FBXW11: variants seen among roughly 807,000 people sequenced by gnomAD.
The protein encoded by FBXW11 is F-box and WD repeat domain containing 11.
A neutral mutation model predicts 77.6 loss-of-function variants in FBXW11; 19 were observed. The ratio of observed to expected loss-of-function variants is 0.24; its 90% CI spans 0.17 to 0.36. FBXW11 has a LOEUF of 0.36. Among genes scored for constraint, FBXW11 ranks in the 10% least tolerant of loss-of-function variants. The pLI is 1.00. For missense variants in FBXW11, 334 were observed against 704.2 expected (o/e 0.47, Z 5.95); for synonymous variants, 235 against 249.4 (o/e 0.94, Z 0.54).
At chr5:171,919,633 T>C (rs113917911) in intron 2 of FBXW11, among the ~76,000 whole-genome samples, 50 of 152,302 alleles carry the variant, frequency 3.3e-4, no homozygotes, top group African/African-American at 1.0e-3. Flanking sequence ...TAAATTACCT[T>C]TAATGATGAC....
Position 171,876,137 on chromosome 5 carries a change from TA to T in FBXW11, c.1221+147del, listed in dbSNP as rs1477344764. On this transcript the variant is annotated intron_variant, in intron 9 of 13. Transcript: ENST00000517395. The surrounding 1 kb of genome is among the most constrained non-coding windows in gnomAD (Gnocchi z 4.2). ...CCTACCTTGCCTACAACTCTACAGATATACAGAGTGGGATGGCCTCAAGGGT... is the reference window on the plus strand; with the variant it reads ...CCTACCTTGCCTACAACTCTACAGATTACAGAGTGGGATGGCCTCAAGGGT... The T allele has an allele frequency of 4.6e-6, 4 of 871,928 alleles. No homozygotes were observed. The highest frequency in any genetic ancestry group is 7.1e-6 in the Non-Finnish European group (4 of 563,200). The allele number at this position is 871,928 out of a possible 1,614,324, so 54.0% of individuals were successfully genotyped here. A position where few individuals can be genotyped will look rare whatever the true frequency, so the allele number is the denominator to read the frequency against.
At chr5:172,004,112 G>A (rs1462040955) in intron 1 of FBXW11, among the ~76,000 whole-genome samples, 1 of 152,152 alleles carries the variant, frequency 6.6e-6, no homozygotes, top group Non-Finnish European at 1.5e-5. Flanking sequence ...AACTGTAATT[G>A]AAATGCAGTG....
intron 7 of FBXW11, among the ~76,000 whole-genome samples, chr5:171,888,234 C>T (rs1253936626): frequency 2.0e-5 from 3 of 152,092 alleles, no homozygotes; most frequent in Non-Finnish European, 2.9e-5. Context: ...AAAAAAGTGT[C>T]CTTATGGGCT....
chr5:171,908,510 G>A (rs1349746933), intron 4 of FBXW11, among the ~76,000 whole-genome samples: 1 of 152,098 alleles, frequency 6.6e-6, no homozygotes, highest in Non-Finnish European at 1.5e-5. Flanking sequence ...ACAGGACTAA[G>A]TGATGGCTAA....
At position 171,899,107 on chromosome 5, in the gene FBXW11, A is replaced by C. The variant is rs749939417; in HGVS notation, c.624-13T>G. 17 of 1,561,988 alleles carry C rather than the reference A, an allele frequency of 1.1e-5. No homozygotes were observed. The Admixed American group carries it at 3.4e-4, about 31-fold the overall frequency. On this transcript the variant is annotated splice_polypyrimidine_tract_variant and intron_variant, in intron 5 of 13. Transcript: ENST00000517395. ...CAGGTACTGATCCCTGGCAAATAAA[A>C]ACAAACAGATGTTACATTTTTGCAC...
chr5:171,884,430 T>C (rs565163346), intron 7 of FBXW11, among the ~76,000 whole-genome samples: 10 of 152,350 alleles, frequency 6.6e-5, no homozygotes, highest in African/African-American at 2.4e-4. Context: ...CCATGCTGTT[T>C]TGGTGACTAT....
intron 6 of FBXW11, among the ~76,000 whole-genome samples, chr5:171,898,129 C>T (rs1286103643): frequency 1.3e-5 from 2 of 152,120 alleles, no homozygotes; most frequent in African/African-American, 4.8e-5. Flanking sequence ...CCATTATTCA[C>T]ATCTGCCTGG....
intron 7 of FBXW11, among the ~76,000 whole-genome samples, chr5:171,878,579 T>A (rs1758269398): frequency 5.9e-5 from 4 of 67,460 alleles, no homozygotes; most frequent in East Asian, 5.7e-4. Context: ...TGTGTGTGTG[T>A]GTGTGTGTGT....
intron 10 of FBXW11, 140 bp from the exon 11 acceptor site, chr5:171,870,998 AC>A: frequency 1.7e-6 from 1 of 603,748 alleles, no homozygotes. Context: ...TCCAGTACAC[AC>A]CACACATATA....
chr5:171,970,465 G>A (rs891819185), intron 1 of FBXW11, among the ~76,000 whole-genome samples: 23 of 152,060 alleles, frequency 1.5e-4, no homozygotes, highest in Admixed American at 6.5e-4. Flanking sequence ...ACCCAGTCTC[G>A]GGTAGCTCTT....
Position 171,955,144 on chromosome 5 carries a change from G to A in FBXW11, c.147+2453C>T, listed in dbSNP as rs115140191. Among the ~76,000 whole-genome samples, 1,353 of 152,326 alleles carry A rather than the reference G, an allele frequency of 8.9e-3. 10 individuals are homozygous for A. Among genetic ancestry groups the A allele is most frequent in the Non-Finnish European group, 0.014 (980 of 68,036 alleles). ...CTGATACCTGTTTTCCCTTCTAGAC[G>A]ATGGTAGAAACTTCCGGAATGGGTA... On this transcript the variant is annotated intron_variant, in intron 2 of 13. Coordinates refer to ENST00000517395, the MANE Select transcript of FBXW11 (RefSeq NM_001378974.1).
At position 171,893,421 on chromosome 5, in the gene FBXW11, C is replaced by CAAAAAAAAAAAACAAAAAAAAAAAAAAAA. The variant is rs757678376; in HGVS notation, c.715-1818_715-1817insTTTTTTTTTTTTTTTTGTTTTTTTTTTTT. Among the ~76,000 whole-genome samples, 9 of 39,852 alleles carry CAAAAAAAAAAAACAAAAAAAAAAAAAAAA rather than the reference C, an allele frequency of 2.3e-4. 1 individual carries two copies. Among genetic ancestry groups the CAAAAAAAAAAAACAAAAAAAAAAAAAAAA allele is most frequent in the Non-Finnish European group, 3.1e-4 (7 of 22,468 alleles). The allele number at this position is 39,852 out of a possible 152,430, so 26.1% of individuals were successfully genotyped here. Reference sequence around the variant, plus strand: ...GACATACAAAAGCACACTTCAAAACCAAAAAAAAAAAAAAAAAAAAAAAAA... The same window carrying CAAAAAAAAAAAACAAAAAAAAAAAAAAAA: ...GACATACAAAAGCACACTTCAAAACCAAAAAAAAAAAACAAAAAAAAAAAAAAAAAAAAAAAAAAAAAAAAAAAAAAAAA... On this transcript the variant is annotated intron_variant, in intron 6 of 13. Coordinates refer to ENST00000517395, the MANE Select transcript of FBXW11 (RefSeq NM_001378974.1).
At chr5:172,001,296 TTATAA>T (rs749820872) in intron 1 of FBXW11, among the ~76,000 whole-genome samples, 2 of 152,232 alleles carry the variant, frequency 1.3e-5, no homozygotes, top group Admixed American at 6.5e-5. Flanking sequence ...CCACAAGTTT[TTATAA>T]TATAATAGGA....
chr5:171,930,762 T>TAAAAAAAAAAAAAAAAAAAAAA, intron 2 of FBXW11, among the ~76,000 whole-genome samples: 1 of 126,532 alleles, frequency 7.9e-6, no homozygotes, highest in East Asian at 2.3e-4. Flanking sequence ...AATAAAAAAA[T>TAAAAAAAAAAAAAAAAAAAAAA]AAAAAAAAAA....
chr5:171,979,604 A>C (rs981977952), intron 1 of FBXW11, among the ~76,000 whole-genome samples: 62 of 152,088 alleles, frequency 4.1e-4, no homozygotes, highest in African/African-American at 1.4e-3. Context: ...ATGGTGGTGG[A>C]CTAACTGGTT....
intron 1 of FBXW11, among the ~76,000 whole-genome samples, chr5:171,966,672 G>A (rs1361827514): frequency 6.6e-6 from 1 of 152,176 alleles, no homozygotes; most frequent in African/African-American, 2.4e-5. Flanking sequence ...TCCTGAGCCT[G>A]GAGATAATTT....
At chr5:171,958,929 T>C (rs577047773) in intron 1 of FBXW11, among the ~76,000 whole-genome samples, 3 of 152,184 alleles carry the variant, frequency 2.0e-5, no homozygotes, top group East Asian at 1.9e-4. Context: ...ATGACACTTA[T>C]TGTCCCCTCA....
At chr5:171,878,609 T>A (rs561296358) in intron 7 of FBXW11, among the ~76,000 whole-genome samples, 3,414 of 139,356 alleles carry the variant, frequency 0.024, 131 homozygotes, top group African/African-American at 0.092. Flanking sequence ...AGAGAGTGTG[T>A]GTGTGTGTGT....
At chr5:171,878,327 A>AT (rs1758241173) in intron 7 of FBXW11, among the ~76,000 whole-genome samples, 198 bp from the exon 8 acceptor site, 1 of 152,198 alleles carries the variant, frequency 6.6e-6, no homozygotes, top group Non-Finnish European at 1.5e-5. Flanking sequence ...TAGATGTGCT[A>AT]TTTTGCTTAA....
Sources: gnomAD v4.1 joint callset for allele counts (sites outside exome capture counted in the v4.1 genomes callset) on GRCh38, gnomAD v4.1.1 for gene constraint, Gnocchi (gnomAD v3.1) non-coding constraint, MANE v1.5 for transcripts, NCBI Gene and HGNC (gene_info 2026-07-23, HGNC 2026-07-21) for gene names.